Variants in TNIK observed in about 807,000 individuals in gnomAD.
TNIK encodes TRAF2 and NCK-interacting protein kinase.
TNIK carries 49 observed loss-of-function variants against 191.3 expected under a neutral mutation model. That is an observed-to-expected ratio of 0.26 (90% CI 0.20 to 0.32). TNIK has a LOEUF of 0.32. Ranked by LOEUF, TNIK falls within the 10% of genes least tolerant of loss-of-function variation. The pLI is 1.00. For synonymous variants in TNIK, 594 were observed against 600.9 expected (o/e 0.99, Z 0.17); for missense variants, 1,155 against 1,702.3 (o/e 0.68, Z 5.66).
At chr3:171,322,842 T>TC (rs1225421453) in intron 2 of TNIK, among the ~76,000 whole-genome samples, 1 of 96,854 alleles carries the variant, frequency 1.0e-5, no homozygotes, top group Non-Finnish European at 2.3e-5. Context: ...TTCTTTTCTT[T>TC]TTTTTTTTTT....
At chr3:171,170,996 G>A (rs1019582339) in intron 9 of TNIK, among the ~76,000 whole-genome samples, 1 of 152,106 alleles carries the variant, frequency 6.6e-6, no homozygotes, top group Non-Finnish European at 1.5e-5. Flanking sequence ...AGGCTGCAGT[G>A]AGCTATGATT....
At chr3:171,369,522 T>A in intron 2 of TNIK, 98 bp downstream of exon 2, 1 of 817,602 alleles carries the variant, frequency 1.2e-6, no homozygotes, top group Non-Finnish European at 1.9e-6. Flanking sequence ...ATTTTAAATT[T>A]GTTAGGAGCC....
chr3:171,291,357 G>A (rs749487765), intron 2 of TNIK, among the ~76,000 whole-genome samples: 1 of 152,016 alleles, frequency 6.6e-6, no homozygotes, highest in African/African-American at 2.4e-5. Flanking sequence ...AAATAGCCAG[G>A]CTTCCCTCTC....
intron 1 of TNIK, among the ~76,000 whole-genome samples, chr3:171,370,618 CA>C (rs1716353471): frequency 6.6e-6 from 1 of 152,110 alleles, no homozygotes; most frequent in African/African-American, 2.4e-5. Flanking sequence ...GTAACATAAA[CA>C]AGTAAAGTGG....
rs149224214 is a variant in TNIK, at chr3:171,184,897, C to A, written c.639+3805G>T. The stretch of plus-strand genomic sequence containing the variant: ...CCATGTCTGCAAATAATCTGCAGCA[C>A]CCATATGAAAGTCTCATAAACAGAG... On this transcript the variant is annotated intron_variant, in intron 7 of 32. Coordinates refer to ENST00000436636, the MANE Select transcript of TNIK (RefSeq NM_015028.4). Among the ~76,000 whole-genome samples, 1,483 of 152,244 alleles carry A rather than the reference C, an allele frequency of 9.7e-3. 17 individuals carry two copies. Among genetic ancestry groups the A allele is most frequent in the Middle Eastern group, 0.037 (11 of 294 alleles).
At position 171,177,666 on chromosome 3, in the gene TNIK, TTGC is replaced by T. The variant is rs535236304; in HGVS notation, c.640-289_640-287del. On this transcript the variant is annotated intron_variant, in intron 7 of 32. Transcript: ENST00000436636. The stretch of plus-strand genomic sequence containing the variant: ...TATCTGTGGGTTGAACCATAGGAAA[TTGC>T]TGCTATTTGACTGTTTATAACACCA... 3.2e-3 allele frequency among the ~76,000 whole-genome samples: 488 copies of T among 152,336 alleles called. 1 individual carries two copies. The highest frequency in any genetic ancestry group is 0.011 in the African/African-American group (465 of 41,570).
intron 28 of TNIK, among the ~76,000 whole-genome samples, chr3:171,078,043 C>T (rs1226446455): frequency 6.6e-6 from 1 of 152,098 alleles, no homozygotes; most frequent in African/African-American, 2.4e-5. Flanking sequence ...TATTCTGGGT[C>T]TATTGTATGT....
chr3:171,084,974 T>C, intron 25 of TNIK, 144 bp downstream of exon 25: 1 of 584,324 alleles, frequency 1.7e-6, no homozygotes, highest in Non-Finnish European at 2.8e-6. Flanking sequence ...CCTACAGAAA[T>C]AATAATTTTA....
intron 2 of TNIK, among the ~76,000 whole-genome samples, chr3:171,259,098 A>G (rs1001312009): frequency 2.7e-5 from 4 of 149,792 alleles, no homozygotes; most frequent in Admixed American, 1.3e-4. Flanking sequence ...TGTTTTATAT[A>G]AGAGAGAGAG....
chr3:171,314,582 T>C (rs964835792), intron 2 of TNIK, among the ~76,000 whole-genome samples: 7 of 152,194 alleles, frequency 4.6e-5, no homozygotes, highest in Non-Finnish European at 1.5e-5. Flanking sequence ...CCTAAGTCAG[T>C]TCTAGTAATT....
At chr3:171,435,637 G>C (rs1560071537) in intron 1 of TNIK, among the ~76,000 whole-genome samples, 3 of 152,120 alleles carry the variant, frequency 2.0e-5, no homozygotes. Flanking sequence ...GACATCCATT[G>C]AAATGATCCC....
At chr3:171,087,767 T>C (rs909131292) in intron 23 of TNIK, among the ~76,000 whole-genome samples, 2 of 152,226 alleles carry the variant, frequency 1.3e-5, no homozygotes, top group Non-Finnish European at 2.9e-5. Flanking sequence ...GGGAGTCCCA[T>C]GTACAGAGGG....
At chr3:171,218,841 G>A (rs1281052446) in intron 3 of TNIK, among the ~76,000 whole-genome samples, 1 of 125,390 alleles carries the variant, frequency 8.0e-6, no homozygotes, top group African/African-American at 3.2e-5. Context: ...ATATATATTT[G>A]ATATATATTA....
At chr3:171,308,840 CCACAATGAAATA>C (rs1399096585) in intron 2 of TNIK, among the ~76,000 whole-genome samples, 1 of 151,760 alleles carries the variant, frequency 6.6e-6, no homozygotes. Context: ...CAAACCAAAA[CCACAATGAAATA>C]CCATCTCACA....
At chr3:171,140,140 A>C (rs1730602492) in intron 13 of TNIK, among the ~76,000 whole-genome samples, 1 of 152,228 alleles carries the variant, frequency 6.6e-6, no homozygotes, top group African/African-American at 2.4e-5. Context: ...GCTACCTTCA[A>C]ATCAGATACC....
At chr3:171,111,530 AGAG>A (rs765464821) in intron 18 of TNIK, among the ~76,000 whole-genome samples, 7 of 152,224 alleles carry the variant, frequency 4.6e-5, no homozygotes, top group Non-Finnish European at 8.8e-5. Flanking sequence ...GTGAGGATGC[AGAG>A]AAGAGGGAAC....
chr3:171,309,475 AAAT>A (rs1753794159), intron 2 of TNIK, among the ~76,000 whole-genome samples: 3 of 152,152 alleles, frequency 2.0e-5, no homozygotes, highest in Non-Finnish European at 4.4e-5. Flanking sequence ...CTGGGTGAAC[AAAT>A]AATATGTACA....
chr3:171,192,783 A>G (rs573417364), intron 5 of TNIK, among the ~76,000 whole-genome samples: 10 of 152,332 alleles, frequency 6.6e-5, no homozygotes, highest in South Asian at 2.1e-4. Context: ...AAGTTTGCAC[A>G]ATGGCACATC....
chr3:171,259,766 T>A (rs1747360895), intron 2 of TNIK, among the ~76,000 whole-genome samples: 1 of 152,198 alleles, frequency 6.6e-6, no homozygotes, highest in Non-Finnish European at 1.5e-5. Context: ...GAATCATAAT[T>A]CTGAACTCTG....
Sources: allele counts gnomAD v4.1 joint callset (sites outside exome capture counted in the v4.1 genomes callset), GRCh38; gene constraint gnomAD v4.1.1; transcripts MANE v1.5; gene names NCBI Gene and HGNC (gene_info 2026-07-23, HGNC 2026-07-21).